Variants in GPC5 observed in about 807,000 individuals in gnomAD.
GPC5 encodes the protein glypican-5.
Under a neutral mutation model 53.9 loss-of-function variants are expected in GPC5, and 47 were observed. The ratio of observed to expected loss-of-function variants is 0.87; its 90% CI spans 0.69 to 1.11. The LOEUF (loss-of-function observed/expected upper bound fraction) is 1.11, where lower values mean the gene tolerates loss of function less well. GPC5 is among the 50% of genes most tolerant of loss of function. The pLI is 0.00. For synonymous variants in GPC5, 286 were observed against 263.3 expected (o/e 1.09, Z -0.84); for missense variants, 748 against 713.1 (o/e 1.05, Z -0.56).
At chr13:92,172,514 G>A (rs2042077837) in intron 7 of GPC5, among the ~76,000 whole-genome samples, 1 of 152,206 alleles carries the variant, frequency 6.6e-6, no homozygotes, top group Non-Finnish European at 1.5e-5. Flanking sequence ...TTTTGAAAGA[G>A]TTCTAGAGAG....
rs544960677 is a variant in GPC5 at position 92,768,088 on chromosome 13, C to T, written c.1562-98194C>T. ...CTCAATCCAGATAAATGAATGTTAA[C>T]AAAATGCATTAACCAAATATAAATA... is the stretch of plus-strand genomic sequence containing the variant. On this transcript the variant is annotated intron_variant, in intron 7 of 7. Transcript: ENST00000377067. Among the ~76,000 whole-genome samples the T allele has an allele frequency of 2.0e-5, 3 of 152,248 alleles. No homozygotes were observed. In the South Asian group the frequency reaches 6.2e-4, roughly 32 times the overall value.
chr13:91,570,103 A>G (rs1157469777), intron 2 of GPC5, among the ~76,000 whole-genome samples: 2 of 152,232 alleles, frequency 1.3e-5, no homozygotes, highest in Non-Finnish European at 2.9e-5. Flanking sequence ...ATTAAGCTAC[A>G]TATTTTGAAA....
chr13:92,221,252 T>C (rs1017243167), intron 7 of GPC5, among the ~76,000 whole-genome samples: 3 of 152,180 alleles, frequency 2.0e-5, no homozygotes, highest in African/African-American at 7.2e-5. Context: ...TTAGAATGTT[T>C]CCATTATTTT....
chr13:92,828,054 G>A (rs983409716), intron 7 of GPC5, among the ~76,000 whole-genome samples: 2 of 152,054 alleles, frequency 1.3e-5, no homozygotes, highest in African/African-American at 4.8e-5. Flanking sequence ...GAAAGAAACA[G>A]GCAAAGCTCA....
At chr13:91,750,425 A>G (rs1401387416) in intron 4 of GPC5, among the ~76,000 whole-genome samples, 1 of 152,194 alleles carries the variant, frequency 6.6e-6, no homozygotes, top group Non-Finnish European at 1.5e-5. Flanking sequence ...ATCTCCCTGC[A>G]TTTATTATGA....
chr13:92,532,895 G>A (rs537898600), intron 7 of GPC5, among the ~76,000 whole-genome samples: 1 of 152,214 alleles, frequency 6.6e-6, no homozygotes, highest in South Asian at 2.1e-4. Flanking sequence ...TCAAAACAAT[G>A]TGGGTTTAGG....
At chr13:91,473,630 G>C (rs995683330) in intron 2 of GPC5, among the ~76,000 whole-genome samples, 3 of 152,032 alleles carry the variant, frequency 2.0e-5, no homozygotes, top group Non-Finnish European at 4.4e-5. Flanking sequence ...GATATTTAGA[G>C]TTTAGCATCC....
At chr13:91,442,217 G>A (rs1880492238) in intron 1 of GPC5, among the ~76,000 whole-genome samples, 1 of 152,182 alleles carries the variant, frequency 6.6e-6, no homozygotes, top group South Asian at 2.1e-4. Context: ...TATCTTGAAA[G>A]TCCTTCCATG....
At chr13:92,662,975 A>G (rs1309958680) in intron 7 of GPC5, among the ~76,000 whole-genome samples, 1 of 152,196 alleles carries the variant, frequency 6.6e-6, no homozygotes, top group African/African-American at 2.4e-5. Context: ...GGAAAATCCA[A>G]AGAAAACCAC....
Position 91,686,137 on chromosome 13 carries a change from G to A in GPC5, c.326-7050G>A, listed in dbSNP as rs375527768. Among the ~76,000 whole-genome samples, 177 of 152,072 alleles carry A rather than the reference G, an allele frequency of 1.2e-3. 4 individuals are homozygous for A. The South Asian group carries it at 0.035, about 30-fold the overall frequency. On this transcript the variant is annotated intron_variant, in intron 2 of 7. Transcript: ENST00000377067. ...ACAATAATTCATGAAACAATCAATG[G>A]TTAGTTGTTTAGAACTGATTTTATC...
At chr13:91,404,899 G>C (rs1425065775) in intron 1 of GPC5, among the ~76,000 whole-genome samples, 1 of 152,036 alleles carries the variant, frequency 6.6e-6, no homozygotes, top group Non-Finnish European at 1.5e-5. Flanking sequence ...ACTATTTTTT[G>C]AAAGAATATA....
At chr13:92,224,606 C>T (rs2042471423) in intron 7 of GPC5, among the ~76,000 whole-genome samples, 1 of 152,210 alleles carries the variant, frequency 6.6e-6, no homozygotes, top group South Asian at 2.1e-4. Context: ...GTGGTTTATG[C>T]TGAACATCTG....
chr13:92,342,043 A>C (rs922309501), intron 7 of GPC5, among the ~76,000 whole-genome samples: 2 of 152,072 alleles, frequency 1.3e-5, no homozygotes, highest in African/African-American at 4.8e-5. Context: ...AGTTTAATAT[A>C]TTGGCTTCTC....
chr13:91,640,468 T>C (rs8000479), intron 2 of GPC5, among the ~76,000 whole-genome samples: 105,161 of 152,026 alleles, frequency 0.69, 37,839 homozygotes, highest in East Asian at 0.8. Context: ...TATTAAAAAG[T>C]CAAGAAACAA....
At chr13:91,493,401 G>A (rs1176123168) in intron 2 of GPC5, among the ~76,000 whole-genome samples, 1 of 152,086 alleles carries the variant, frequency 6.6e-6, no homozygotes, top group African/African-American at 2.4e-5. Context: ...TCCTTTGACT[G>A]TAGTTACTCT....
At chr13:92,450,088 C>A (rs370742027) in intron 7 of GPC5, among the ~76,000 whole-genome samples, 4 of 152,090 alleles carry the variant, frequency 2.6e-5, no homozygotes, top group African/African-American at 9.7e-5. Context: ...CAGAGAGTTT[C>A]AGAAGTAAAA....
At position 91,915,162 on chromosome 13, in the gene GPC5, A is replaced by C. The variant is rs184260634; in HGVS notation, c.1401+7105A>C. Among the ~76,000 whole-genome samples, 91 of 152,334 alleles carry C rather than the reference A, an allele frequency of 6.0e-4. 1 individual carries two copies. Among genetic ancestry groups the C allele is most frequent in the African/African-American group, 2.0e-3 (82 of 41,578 alleles). On this transcript the variant is annotated intron_variant, in intron 6 of 7. Coordinates refer to ENST00000377067, the MANE Select transcript of GPC5 (RefSeq NM_004466.6). ...AACAGTTCTTGATTTTGAATTAGCA[A>C]TGCAGTAGTGATCAAAACAGATTTA...
chr13:91,856,366 A>G (rs575787381), intron 5 of GPC5, among the ~76,000 whole-genome samples: 79 of 151,640 alleles, frequency 5.2e-4, no homozygotes, highest in Non-Finnish European at 9.5e-4. Flanking sequence ...ATGATGAAAT[A>G]TTTTTATGTT....
At chr13:92,664,093 A>G (rs1019716811) in intron 7 of GPC5, among the ~76,000 whole-genome samples, 1 of 151,646 alleles carries the variant, frequency 6.6e-6, no homozygotes, top group African/African-American at 2.4e-5. Context: ...GATGGCAAAC[A>G]ATATGGAGAA....
Sources: allele counts gnomAD v4.1 joint callset (sites outside exome capture counted in the v4.1 genomes callset), GRCh38; gene constraint gnomAD v4.1.1; transcripts MANE v1.5; gene names NCBI Gene and HGNC (gene_info 2026-07-23, HGNC 2026-07-21).